APBB2: variants seen among roughly 807,000 people sequenced by gnomAD.
The protein encoded by APBB2 is Fe65-like 1.
In APBB2, 38 loss-of-function variants were observed where a neutral mutation model predicts 82.5. The ratio of observed to expected loss-of-function variants is 0.46; its 90% CI spans 0.36 to 0.60. The LOEUF (loss-of-function observed/expected upper bound fraction) is 0.60. Among genes scored for constraint, APBB2 ranks in the 20% least tolerant of loss-of-function variants. The probability of loss-of-function intolerance (pLI) is 0.00; values close to 1 mark genes in which losing one functional copy is unlikely to be tolerated. For synonymous variants in APBB2, 341 were observed against 368.2 expected (o/e 0.93, Z 0.85); for missense variants, 772 against 972.3 (o/e 0.79, Z 2.74).
At chr4:41,031,908 T>C (rs1482236733) in intron 5 of APBB2, among the ~76,000 whole-genome samples, 1 of 152,182 alleles carries the variant, frequency 6.6e-6, no homozygotes, top group Non-Finnish European at 1.5e-5. Context: ...AAAATATGTA[T>C]TGACAAAATC....
At chr4:40,928,918 G>C (rs908316371) in intron 10 of APBB2, among the ~76,000 whole-genome samples, 2 of 149,704 alleles carry the variant, frequency 1.3e-5, no homozygotes, top group Admixed American at 1.4e-4. Context: ...ATGAACGAAC[G>C]AATGAATACA....
At chr4:40,936,793 A>AC (rs1351766994) in intron 7 of APBB2, among the ~76,000 whole-genome samples, 1 of 151,958 alleles carries the variant, frequency 6.6e-6, no homozygotes, top group Non-Finnish European at 1.5e-5. Flanking sequence ...CCCTCACTCT[A>AC]CCCCCAGAAG....
intron 6 of APBB2, among the ~76,000 whole-genome samples, chr4:40,974,765 TAC>T: frequency 6.6e-6 from 1 of 152,214 alleles, no homozygotes; most frequent in Non-Finnish European, 1.5e-5. Context: ...ATTCTGAGAA[TAC>T]ACAGTAAGAA....
intron 1 of APBB2, among the ~76,000 whole-genome samples, chr4:41,190,408 C>T (rs1414091491): frequency 6.6e-6 from 1 of 151,988 alleles, no homozygotes; most frequent in African/African-American, 2.4e-5. Context: ...CACCACCACA[C>T]ACGGCTAATT....
At chr4:40,851,733 TA>T (rs1243839441) in intron 12 of APBB2, among the ~76,000 whole-genome samples, 14 of 30,002 alleles carry the variant, frequency 4.7e-4, no homozygotes, top group African/African-American at 1.6e-3. Flanking sequence ...TATATATATA[TA>T]TATATTTTTT....
intron 12 of APBB2, among the ~76,000 whole-genome samples, chr4:40,834,667 C>A (rs58278505): frequency 6.6e-6 from 1 of 151,836 alleles, no homozygotes; most frequent in Non-Finnish European, 1.5e-5. Flanking sequence ...AGGTGGGCCC[C>A]GCAAATTCAC....
intron 2 of APBB2, among the ~76,000 whole-genome samples, chr4:41,137,223 T>C (rs1757826762): frequency 6.6e-6 from 1 of 152,212 alleles, no homozygotes; most frequent in Non-Finnish European, 1.5e-5. Context: ...CAATTCATGT[T>C]ACCATTAATG....
At chr4:40,921,357 C>T (rs1381618079) in intron 10 of APBB2, among the ~76,000 whole-genome samples, 1 of 152,154 alleles carries the variant, frequency 6.6e-6, no homozygotes, top group African/African-American at 2.4e-5. Flanking sequence ...TCTCGGAATC[C>T]CAGTTTCTTC....
intron 10 of APBB2, among the ~76,000 whole-genome samples, chr4:40,915,693 C>T (rs556195155): frequency 5.3e-5 from 8 of 152,124 alleles, no homozygotes; most frequent in African/African-American, 1.2e-4. Flanking sequence ...ATTAAAAGCA[C>T]GGCTGTTCCC....
At chr4:40,950,247 T>G (rs1262894245) in intron 6 of APBB2, among the ~76,000 whole-genome samples, 2 of 152,184 alleles carry the variant, frequency 1.3e-5, no homozygotes, top group Non-Finnish European at 2.9e-5. Flanking sequence ...CGTAGAAGGG[T>G]AATTTGGTAC....
chr4:40,939,140 A>G (rs941750633), intron 7 of APBB2, among the ~76,000 whole-genome samples: 2 of 152,190 alleles, frequency 1.3e-5, no homozygotes, highest in Admixed American at 1.3e-4. Context: ...CTATAACCAT[A>G]AGAAATACAT....
intron 3 of APBB2, among the ~76,000 whole-genome samples, chr4:41,065,908 A>G (rs1731617627): frequency 6.6e-6 from 1 of 152,148 alleles, no homozygotes; most frequent in Non-Finnish European, 1.5e-5. Flanking sequence ...ACAGAGGTGC[A>G]GGTCACTGGA....
intron 6 of APBB2, among the ~76,000 whole-genome samples, chr4:40,976,303 A>T (rs1797156005): frequency 6.6e-6 from 1 of 152,214 alleles, no homozygotes; most frequent in African/African-American, 2.4e-5. Flanking sequence ...CATAGCAGCG[A>T]GTGGCAAGTT....
intron 12 of APBB2, 72 bp from the exon 13 acceptor site, chr4:40,830,649 TAACTG>T: frequency 3.4e-6 from 3 of 892,746 alleles, no homozygotes; most frequent in Non-Finnish European, 5.6e-6. Context: ...GTTATGAAGT[TAACTG>T]AGCTAGCAGC....
chr4:40,856,963 C>T, intron 12 of APBB2: 2 of 985,518 alleles, frequency 2.0e-6, no homozygotes, highest in South Asian at 9.4e-5. Flanking sequence ...TTGGGCTCGA[C>T]CCCCGTTCCC....
At chr4:41,001,230 T>C (rs969441171) in intron 6 of APBB2, among the ~76,000 whole-genome samples, 3 of 152,040 alleles carry the variant, frequency 2.0e-5, no homozygotes, top group African/African-American at 7.3e-5. Flanking sequence ...CTACAACATT[T>C]TGGGGAAAGG....
intron 10 of APBB2, among the ~76,000 whole-genome samples, chr4:40,897,419 G>C (rs1028963860): frequency 6.6e-6 from 1 of 152,068 alleles, no homozygotes; most frequent in African/African-American, 2.4e-5. Flanking sequence ...CAAGAGAATC[G>C]TGGCAAAAGA....
intron 1 of APBB2, among the ~76,000 whole-genome samples, chr4:41,188,427 T>C (rs1773516264): frequency 6.6e-6 from 1 of 152,166 alleles, no homozygotes; most frequent in Non-Finnish European, 1.5e-5. Flanking sequence ...AGGTGGGGTC[T>C]TTAAGAGGTG....
chr4:41,185,781 T>C (rs1032620028), intron 1 of APBB2, among the ~76,000 whole-genome samples: 6 of 152,224 alleles, frequency 3.9e-5, no homozygotes, highest in African/African-American at 1.4e-4. Flanking sequence ...ACGTACTTCA[T>C]GCCAATTCCA....
Sources: gnomAD v4.1 joint callset for allele counts (sites outside exome capture counted in the v4.1 genomes callset) on GRCh38, gnomAD v4.1.1 for gene constraint, MANE v1.5 for transcripts, NCBI Gene and HGNC (gene_info 2026-07-23, HGNC 2026-07-21) for gene names.